HOOK3: variants seen among roughly 807,000 people sequenced by gnomAD.
HOOK3 encodes hook microtubule tethering protein 3.
A neutral mutation model predicts 116.3 loss-of-function variants in HOOK3; 24 were observed. The ratio of observed to expected loss-of-function variants is 0.21; its 90% CI spans 0.15 to 0.29. The LOEUF (loss-of-function observed/expected upper bound fraction) is 0.29, where lower values mean the gene tolerates loss of function less well. Among genes scored for constraint, HOOK3 ranks in the 10% least tolerant of loss-of-function variants. The probability of loss-of-function intolerance (pLI) is 1.00; values close to 1 mark genes in which losing one functional copy is unlikely to be tolerated. For synonymous variants in HOOK3, 275 were observed against 283.0 expected (o/e 0.97, Z 0.28); for missense variants, 632 against 830.2 (o/e 0.76, Z 2.93).
At chr8:42,999,123 A>G (rs556860622) in intron 16 of HOOK3, among the ~76,000 whole-genome samples, 1 of 152,240 alleles carries the variant, frequency 6.6e-6, no homozygotes, top group Non-Finnish European at 1.5e-5. Context: ...CAGTGTTACA[A>G]TGATGGCCAT....
intron 4 of HOOK3, among the ~76,000 whole-genome samples, chr8:42,942,072 A>G (rs1808138638): frequency 6.6e-6 from 1 of 152,168 alleles, no homozygotes. Context: ...CAGCCTGACC[A>G]ACATGGTGAA....
At chr8:42,959,780 C>T (rs1808504360) in intron 8 of HOOK3, among the ~76,000 whole-genome samples, 1 of 148,072 alleles carries the variant, frequency 6.8e-6, no homozygotes, top group South Asian at 2.1e-4. Context: ...TTGAGAATAC[C>T]TTTCACAAAT....
rs555270087 is a variant in HOOK3 at position 42,988,582 on chromosome 8, C to G, written c.1532+1787C>G. Among the ~76,000 whole-genome samples the G allele has an allele frequency of 3.9e-5, 6 of 152,044 alleles. No homozygotes were observed. In the South Asian group the frequency reaches 1.2e-3, roughly 32 times the overall value. On this transcript the variant is annotated intron_variant, in intron 15 of 21. Coordinates refer to ENST00000307602, the MANE Select transcript of HOOK3 (RefSeq NM_032410.4). ...AGTGTTGTGATTGTTTCTTAAATTA[C>G]AACACTGACGATGAATAACTTAGAT...
chr8:42,898,756 C>A (rs34210297), intron 1 of HOOK3, among the ~76,000 whole-genome samples: 4 of 152,242 alleles, frequency 2.6e-5, no homozygotes, highest in African/African-American at 7.2e-5. Context: ...CCTTAACTTG[C>A]GATGGGGTTA....
At chr8:43,004,609 A>G (rs1269940023) in intron 17 of HOOK3, among the ~76,000 whole-genome samples, 1 of 143,682 alleles carries the variant, frequency 7.0e-6, no homozygotes, top group Non-Finnish European at 1.5e-5. Context: ...TGAACCTGGG[A>G]GGCAGAGGTT....
chr8:42,991,212 G>A (rs528823441), intron 15 of HOOK3, among the ~76,000 whole-genome samples: 18 of 152,234 alleles, frequency 1.2e-4, no homozygotes, highest in African/African-American at 4.1e-4. Context: ...ATAATTTGAA[G>A]TCAGGTAACA....
intron 21 of HOOK3, 74 bp downstream of exon 21, chr8:43,013,474 T>A: frequency 8.4e-7 from 1 of 1,191,882 alleles, no homozygotes; most frequent in Non-Finnish European, 1.2e-6. Context: ...CCCTTTACTG[T>A]AGAAGTCACT....
At chr8:42,982,583 C>A in intron 13 of HOOK3, 44 bp from the exon 14 acceptor site, 1 of 1,342,710 alleles carries the variant, frequency 7.4e-7, no homozygotes, top group Non-Finnish European at 1.1e-6. Flanking sequence ...AGTTGTGTAA[C>A]TGTGTTTTCC....
In HOOK3 at chr8:43,026,962, G is replaced by C. The variant is rs1222167056; in HGVS notation, c.*8464G>C. The C allele has an allele frequency of 5.5e-6, 1 of 182,916 alleles. No homozygotes were observed. The highest frequency in any genetic ancestry group is 1.2e-5 in the Non-Finnish European group (1 of 86,216). 11.3% of individuals were successfully genotyped at this position (182,916 alleles called of 1,614,324 possible). A position where few individuals can be genotyped will look rare whatever the true frequency, so the allele number is the denominator to read the frequency against. On this transcript the variant is annotated 3_prime_UTR_variant, in exon 22 of 22. Coordinates refer to ENST00000307602, the MANE Select transcript of HOOK3 (RefSeq NM_032410.4). Reference sequence around the variant, plus strand: ...GCTGGAGTGCAGTGGCACAATCTCAGCTCACTGCAGCCTCCACCTCCCGGT... The same window carrying C: ...GCTGGAGTGCAGTGGCACAATCTCACCTCACTGCAGCCTCCACCTCCCGGT...
intron 11 of HOOK3, among the ~76,000 whole-genome samples, chr8:42,970,998 G>A (rs2130429776): frequency 6.6e-6 from 1 of 152,024 alleles, no homozygotes; most frequent in African/African-American, 2.4e-5. Flanking sequence ...TGTTGCCCAG[G>A]CCGGTCTCAA....
intron 15 of HOOK3, among the ~76,000 whole-genome samples, chr8:42,991,333 A>T (rs903647575): frequency 1.7e-4 from 26 of 149,618 alleles, no homozygotes; most frequent in African/African-American, 5.7e-4. Flanking sequence ...GAAGAATATC[A>T]TTGTTATTTT....
Position 42,957,096 on chromosome 8 carries a change from G to T in HOOK3, c.471G>T (p.Leu157=). The T allele has an allele frequency of 6.3e-7, 1 of 1,578,876 alleles. No individual in the cohort carries two copies. Among genetic ancestry groups the T allele is most frequent in the Non-Finnish European group, 8.7e-7 (1 of 1,155,714 alleles). ...AATCATTTAAATCTTGATTTCAGCT[G>T]ATGAGTAAAGAATCTCCTGTCTCTG... The part of the protein sequence containing the change: ...QHVVMTAIQE[L]MSKESPVSAG... The change falls in exon 7 of 22, where the codon CTG becomes CTT. Residue 157 remains leucine, a splice_region_variant and synonymous_variant. Coordinates refer to ENST00000307602, the MANE Select transcript of HOOK3 (RefSeq NM_032410.4).
chr8:42,927,245 GT>G (rs1283654855), intron 3 of HOOK3, among the ~76,000 whole-genome samples: 180 of 119,254 alleles, frequency 1.5e-3, no homozygotes, highest in African/African-American at 2.8e-3. Flanking sequence ...AATGGCACTG[GT>G]TTTTTTTTTT....
At chr8:42,987,152 A>G (rs1809063264) in intron 15 of HOOK3, among the ~76,000 whole-genome samples, 1 of 152,008 alleles carries the variant, frequency 6.6e-6, no homozygotes, top group African/African-American at 2.4e-5. Context: ...ATAGAGCAAA[A>G]CTCTGTCTCA....
intron 4 of HOOK3, among the ~76,000 whole-genome samples, chr8:42,935,002 C>T (rs1647076951): frequency 1.3e-5 from 2 of 152,122 alleles, no homozygotes; most frequent in Non-Finnish European, 2.9e-5. Context: ...ATTTACAGTC[C>T]CACCAACAGT....
At chr8:42,907,148 A>C (rs1244521485) in intron 2 of HOOK3, among the ~76,000 whole-genome samples, 1 of 152,202 alleles carries the variant, frequency 6.6e-6, no homozygotes, top group Non-Finnish European at 1.5e-5. Flanking sequence ...TTATATTTTG[A>C]AGCCCTGAAC....
At chr8:42,918,912 C>T (rs1313175346) in intron 2 of HOOK3, among the ~76,000 whole-genome samples, 4 of 152,234 alleles carry the variant, frequency 2.6e-5, no homozygotes, top group African/African-American at 4.8e-5. Context: ...CATCATGGCC[C>T]GTTCTCAATG....
At chr8:42,908,326 A>G (rs1440317846) in intron 2 of HOOK3, among the ~76,000 whole-genome samples, 1 of 152,246 alleles carries the variant, frequency 6.6e-6, no homozygotes, top group African/African-American at 2.4e-5. Flanking sequence ...TAAAATTCAT[A>G]TGAAATGACA....
At chr8:42,928,786 A>G (rs1807818766) in intron 3 of HOOK3, among the ~76,000 whole-genome samples, 1 of 152,204 alleles carries the variant, frequency 6.6e-6, no homozygotes, top group Admixed American at 6.5e-5. Context: ...TCATGCCTGT[A>G]ATCTCAACAT....
Sources: gnomAD v4.1 joint callset for allele counts (sites outside exome capture counted in the v4.1 genomes callset) on GRCh38, gnomAD v4.1.1 for gene constraint, MANE v1.5 for transcripts, NCBI Gene and HGNC (gene_info 2026-07-23, HGNC 2026-07-21) for gene names.